The following FAT3 variants were observed in gnomAD, a reference collection of about 807,000 sequenced individuals.
FAT3 encodes the protein FAT atypical cadherin 3, also known as protocadherin Fat 3.
In FAT3, 95 loss-of-function variants were observed where a neutral mutation model predicts 310.2. The observed-to-expected ratio is 0.31, with a 90% CI of 0.26 to 0.36. The LOEUF is 0.36. FAT3 is among the 10% of genes least tolerant of loss of function. The pLI, the probability that FAT3 is intolerant of heterozygous loss-of-function variation, is 1.00. For missense variants in FAT3, 5,408 were observed against 5,715.6 expected (o/e 0.95, Z 1.74); for synonymous variants, 2,314 against 2,192.9 (o/e 1.06, Z -1.54).
chr11:92,597,186 G>A (rs1194131191), intron 3 of FAT3, among the ~76,000 whole-genome samples: 1 of 152,218 alleles, frequency 6.6e-6, no homozygotes, highest in Non-Finnish European at 1.5e-5. Context: ...TGTATTAGCT[G>A]TAGCTTAACT....
intron 3 of FAT3, among the ~76,000 whole-genome samples, chr11:92,638,949 G>A: frequency 6.6e-6 from 1 of 152,170 alleles, no homozygotes. Context: ...AGCCATGTCT[G>A]ACTAAGAAAA....
At chr11:92,832,347 A>G (rs1032585856) in intron 14 of FAT3, among the ~76,000 whole-genome samples, 5 of 151,890 alleles carry the variant, frequency 3.3e-5, no homozygotes, top group African/African-American at 9.7e-5. Context: ...AAAAAATAAT[A>G]ATAGTAAGAA....
At chr11:92,750,777 G>T (rs1024659429) in intron 4 of FAT3, among the ~76,000 whole-genome samples, 2 of 152,200 alleles carry the variant, frequency 1.3e-5, no homozygotes, top group Non-Finnish European at 2.9e-5. Context: ...CAGGCATTCA[G>T]TTCAAGCCAA....
intron 2 of FAT3, among the ~76,000 whole-genome samples, chr11:92,478,250 T>G (rs1952100309): frequency 6.6e-6 from 1 of 152,246 alleles, no homozygotes; most frequent in Non-Finnish European, 1.5e-5. Context: ...CCAGTTTTGC[T>G]CTTGAATTTA....
intron 4 of FAT3, among the ~76,000 whole-genome samples, chr11:92,709,220 C>T (rs1944449885): frequency 6.6e-6 from 1 of 152,204 alleles, no homozygotes; most frequent in Non-Finnish European, 1.5e-5. Flanking sequence ...TTTGTTAATG[C>T]AGTCAATGTG....
chr11:92,841,303 G>A (rs796861161), intron 18 of FAT3, among the ~76,000 whole-genome samples: 6 of 152,130 alleles, frequency 3.9e-5, no homozygotes, highest in Non-Finnish European at 8.8e-5. Context: ...GAGGGCCTCC[G>A]AAAGTTCCCA....
chr11:92,292,704 T>C lies in FAT3; in HGVS notation c.-17-59392T>C, dbSNP rs190477730. ...TAAGGTTCAGTAGGCAGAGAGAGGA[T>C]TGACATTTATTGAGAATCATCTGTG... is the stretch of plus-strand genomic sequence containing the variant. On this transcript the variant is annotated intron_variant, in intron 1 of 27. Coordinates refer to ENST00000525166, the MANE Select transcript of FAT3 (RefSeq NM_001367949.2). Among the ~76,000 whole-genome samples the C allele has an allele frequency of 3.1e-3, 475 of 152,214 alleles. 3 individuals carry two copies. The highest frequency in any genetic ancestry group is 5.8e-3 in the Non-Finnish European group (395 of 67,974).
At chr11:92,404,450 A>T (rs978024107) in intron 2 of FAT3, among the ~76,000 whole-genome samples, 16 of 151,694 alleles carry the variant, frequency 1.1e-4, no homozygotes, top group Admixed American at 6.6e-4. Flanking sequence ...TAGCTAATCC[A>T]CCTTTGTCAA....
intron 2 of FAT3, among the ~76,000 whole-genome samples, chr11:92,439,235 G>T (rs1316150340): frequency 3.3e-5 from 5 of 151,514 alleles, no homozygotes; most frequent in African/African-American, 9.8e-5. Context: ...AATTTTTAAT[G>T]CTCTTTTAAA....
chr11:92,376,951 T>G (rs896461859), intron 2 of FAT3, among the ~76,000 whole-genome samples: 1 of 152,202 alleles, frequency 6.6e-6, no homozygotes, highest in African/African-American at 2.4e-5. Flanking sequence ...TCATTTTTAT[T>G]GGAAGGTAAT....
At chr11:92,417,173 T>C (rs2134959690) in intron 2 of FAT3, among the ~76,000 whole-genome samples, 1 of 152,354 alleles carries the variant, frequency 6.6e-6, no homozygotes, top group Admixed American at 6.5e-5. Flanking sequence ...TTTGTTGTGG[T>C]TCATTTCCTA....
chr11:92,844,836 T>C (rs1164989161), intron 19 of FAT3, 104 bp downstream of exon 19: 5 of 1,289,008 alleles, frequency 3.9e-6, no homozygotes, highest in Non-Finnish European at 4.2e-6. Flanking sequence ...CAACTAAATA[T>C]TAAATGATCA....
intron 3 of FAT3, among the ~76,000 whole-genome samples, chr11:92,641,978 C>G (rs1216314515): frequency 2.0e-5 from 3 of 152,220 alleles, no homozygotes; most frequent in Non-Finnish European, 4.4e-5. Flanking sequence ...ACAATGCACA[C>G]TTGTAGAAGC....
At chr11:92,601,157 T>G (rs1940003565) in intron 3 of FAT3, among the ~76,000 whole-genome samples, 1 of 152,020 alleles carries the variant, frequency 6.6e-6, no homozygotes, top group African/African-American at 2.4e-5. Context: ...TCAACTGTTT[T>G]TTAAAAGATT....
chr11:92,800,388 C>T lies in FAT3; in HGVS notation c.7375C>T (p.Gln2459Ter). The change falls in exon 10 of 28, where the codon CAG (glutamine) becomes TAG (stop). Residue 2459 changes from glutamine (Q) to a stop codon, truncating the protein, a stop_gained. Transcript: ENST00000525166. LOFTEE classifies it high-confidence loss of function. ...TATCACATTGTCCAACCATCGGAAG[C>T]AGCGGATGGAGCCTCTGTACAGTCT... Reference protein sequence around the residue: ...GVITLSNHRKQRMEPLYSLNV... With the variant: ...GVITLSNHRK 1 of 1,613,970 alleles carries T rather than the reference C, an allele frequency of 6.2e-7. No individual in the cohort carries two copies. The highest frequency in any genetic ancestry group is 8.5e-7 in the Non-Finnish European group (1 of 1,179,866).
intron 3 of FAT3, among the ~76,000 whole-genome samples, chr11:92,579,635 A>C (rs1319385216): frequency 6.6e-6 from 1 of 152,066 alleles, no homozygotes; most frequent in African/African-American, 2.4e-5. Flanking sequence ...CAGGACCCCA[A>C]TCAAATGCTA....
At chr11:92,311,017 C>CAT (rs1225972195) in intron 1 of FAT3, among the ~76,000 whole-genome samples, 2 of 150,848 alleles carry the variant, frequency 1.3e-5, no homozygotes, top group Non-Finnish European at 3.0e-5. Flanking sequence ...TATATATACA[C>CAT]ATATATGTAT....
In FAT3 at chr11:92,866,948, A is replaced by G. The variant is rs749543319; in HGVS notation, c.11866A>G (p.Ile3956Val). 3.1e-6 allele frequency: 5 copies of G among 1,613,604 alleles called. No homozygotes were observed. The highest frequency in any genetic ancestry group is 1.1e-5 in the South Asian group (1 of 91,012). Residue 3956 changes from isoleucine (I) to valine (V), a missense_variant, in exon 22 of 28, where the codon ATC (isoleucine) becomes GTC (valine). Coordinates refer to ENST00000525166, the MANE Select transcript of FAT3 (RefSeq NM_001367949.2). ...CCAGACGCTGAGCACTGAGAGTAGC[A>G]TCTACTTCGGCGCCCTGGTGCAAGC... is the stretch of plus-strand genomic sequence containing the variant. ...YFQTLSTESS[I>V]YFGALVQADN...
chr11:92,248,440 G>T (rs1380956683), intron 1 of FAT3, among the ~76,000 whole-genome samples: 1 of 152,202 alleles, frequency 6.6e-6, no homozygotes, highest in East Asian at 1.9e-4. Flanking sequence ...AATGGATGTT[G>T]GAGAAAGATT....
Sources: allele counts gnomAD v4.1 joint callset (sites outside exome capture counted in the v4.1 genomes callset), GRCh38; gene constraint gnomAD v4.1.1; transcripts MANE v1.5; gene names NCBI Gene and HGNC (gene_info 2026-07-23, HGNC 2026-07-21).